Variants in SGCZ observed in about 807,000 individuals in gnomAD.
SGCZ encodes zeta-sarcoglycan.
In SGCZ, 40 loss-of-function variants were observed where a neutral mutation model predicts 41.3. That is an observed-to-expected ratio of 0.97 (90% CI 0.75 to 1.26). The LOEUF (loss-of-function observed/expected upper bound fraction) is 1.26. SGCZ is among the 50% of genes most tolerant of loss of function. The pLI is 0.00. For synonymous variants in SGCZ, 206 were observed against 137.5 expected, an observed-to-expected ratio of 1.50 and a Z score of -3.49; for missense variants, 552 against 369.8, an observed-to-expected ratio of 1.49 and a Z score of -4.04.
chr8:14,238,014 G>A (rs946430496), intron 3 of SGCZ, among the ~76,000 whole-genome samples: 3 of 152,118 alleles, frequency 2.0e-5, no homozygotes, highest in Admixed American at 6.5e-5. Flanking sequence ...TATTCCAGAC[G>A]CTATCCCAAT....
chr8:15,179,777 G>A (rs1425006931), intron 1 of SGCZ, among the ~76,000 whole-genome samples: 1 of 152,126 alleles, frequency 6.6e-6, no homozygotes, highest in Non-Finnish European at 1.5e-5. Flanking sequence ...AGGAAATAGA[G>A]GCAAAATAAA....
At chr8:15,036,625 C>T (rs1803886245) in intron 1 of SGCZ, among the ~76,000 whole-genome samples, 1 of 152,016 alleles carries the variant, frequency 6.6e-6, no homozygotes, top group African/African-American at 2.4e-5. Flanking sequence ...AGTAGAGGAA[C>T]TAATGGCCTC....
intron 5 of SGCZ, among the ~76,000 whole-genome samples, chr8:14,147,482 A>G (rs1041688776): frequency 6.6e-6 from 1 of 152,232 alleles, no homozygotes; most frequent in African/African-American, 2.4e-5. Context: ...GGTCATATAT[A>G]ATGACAAAGG....
chr8:15,002,886 G>A (rs1340850066), intron 1 of SGCZ, among the ~76,000 whole-genome samples: 1 of 152,078 alleles, frequency 6.6e-6, no homozygotes, highest in African/African-American at 2.4e-5. Flanking sequence ...GGACCCTGGG[G>A]GAGGTAATGG....
chr8:14,804,141 G>GA (rs1235436967), intron 1 of SGCZ, among the ~76,000 whole-genome samples: 3 of 86,662 alleles, frequency 3.5e-5, no homozygotes, highest in Non-Finnish European at 6.4e-5. Context: ...AAACAGAACA[G>GA]AAAAACTGGA....
At chr8:14,563,010 T>C (rs948690802) in intron 1 of SGCZ, among the ~76,000 whole-genome samples, 1 of 152,154 alleles carries the variant, frequency 6.6e-6, no homozygotes, top group Non-Finnish European at 1.5e-5. Flanking sequence ...AAGAGAATAT[T>C]CCTTGACCTT....
At position 14,334,296 on chromosome 8, in the gene SGCZ, C is replaced by A. The variant is rs151077705; in HGVS notation, c.235-10092G>T. ...TAAATATATTAATAATAGCTCAGTT[C>A]ATACAGCACTTCAGCAGATATTGAG... is the stretch of plus-strand genomic sequence containing the variant. On this transcript the variant is annotated intron_variant, in intron 2 of 7. Transcript: ENST00000382080. 3.7e-4 allele frequency among the ~76,000 whole-genome samples: 56 copies of A among 152,152 alleles called. No homozygotes were observed. The East Asian group carries it at 9.1e-3, about 25-fold the overall frequency.
At chr8:14,663,807 C>T (rs544927434) in intron 1 of SGCZ, among the ~76,000 whole-genome samples, 2 of 152,180 alleles carry the variant, frequency 1.3e-5, no homozygotes, top group South Asian at 4.1e-4. Context: ...TATTCATGGA[C>T]TCAATTTTAT....
At chr8:14,178,239 C>T (rs1804615259) in intron 4 of SGCZ, among the ~76,000 whole-genome samples, 1 of 152,172 alleles carries the variant, frequency 6.6e-6, no homozygotes, top group African/African-American at 2.4e-5. Context: ...CAGGCTTGAG[C>T]CACCACACCT....
intron 1 of SGCZ, among the ~76,000 whole-genome samples, chr8:14,782,528 G>C (rs1345587605): frequency 6.6e-6 from 1 of 152,112 alleles, no homozygotes; most frequent in African/African-American, 2.4e-5. Flanking sequence ...AATAGTCAAA[G>C]CATTTTGCAG....
intron 1 of SGCZ, among the ~76,000 whole-genome samples, chr8:14,725,499 C>G (rs1032363607): frequency 6.6e-6 from 1 of 152,002 alleles, no homozygotes; most frequent in Non-Finnish European, 1.5e-5. Context: ...TATTTTTTGT[C>G]TTTTTCATAA....
chr8:14,267,548 T>A (rs1453517740), intron 3 of SGCZ, among the ~76,000 whole-genome samples: 1 of 152,110 alleles, frequency 6.6e-6, no homozygotes, highest in African/African-American at 2.4e-5. Context: ...TGGTATCGCC[T>A]AGTCTCATGA....
At chr8:14,304,836 T>C (rs887021601) in intron 3 of SGCZ, among the ~76,000 whole-genome samples, 1 of 152,178 alleles carries the variant, frequency 6.6e-6, no homozygotes, top group Admixed American at 6.5e-5. Flanking sequence ...ATAGCACACC[T>C]AGTTTTGCAT....
intron 1 of SGCZ, among the ~76,000 whole-genome samples, chr8:14,750,227 T>G (rs1031431893): frequency 5.3e-5 from 8 of 151,970 alleles, no homozygotes; most frequent in Non-Finnish European, 1.0e-4. Flanking sequence ...GAGATTACTT[T>G]CCTGTTACCT....
intron 1 of SGCZ, among the ~76,000 whole-genome samples, chr8:14,946,991 A>G (rs892235706): frequency 1.3e-5 from 2 of 152,098 alleles, no homozygotes; most frequent in Non-Finnish European, 2.9e-5. Context: ...TTCTATAGTT[A>G]GGGTTTGAAA....
intron 3 of SGCZ, among the ~76,000 whole-genome samples, chr8:14,287,252 T>C (rs1800674074): frequency 1.3e-5 from 2 of 151,760 alleles, no homozygotes; most frequent in South Asian, 4.1e-4. Context: ...TTACATAATA[T>C]CAAAAAAATT....
chr8:14,649,697 T>C (rs1180896465), intron 1 of SGCZ, among the ~76,000 whole-genome samples: 1 of 152,042 alleles, frequency 6.6e-6, no homozygotes, highest in Non-Finnish European at 1.5e-5. Flanking sequence ...GATTTCCAAT[T>C]CTAATTTTAA....
chr8:14,756,120 T>G (rs1799656639), intron 1 of SGCZ, among the ~76,000 whole-genome samples: 1 of 151,476 alleles, frequency 6.6e-6, no homozygotes, highest in Non-Finnish European at 1.5e-5. Context: ...TGTAGAGAAA[T>G]AAAGGATAGG....
chr8:14,223,876 G>A (rs1806286087), intron 4 of SGCZ, among the ~76,000 whole-genome samples: 1 of 152,154 alleles, frequency 6.6e-6, no homozygotes, highest in Admixed American at 6.5e-5. Context: ...ATTACTAATA[G>A]TGATAGCAGT....
Sources: gnomAD v4.1 joint callset for allele counts (sites outside exome capture counted in the v4.1 genomes callset) on GRCh38, gnomAD v4.1.1 for gene constraint, MANE v1.5 for transcripts, NCBI Gene and HGNC (gene_info 2026-07-23, HGNC 2026-07-21) for gene names.